The following SPOCK1 variants were observed in gnomAD, a reference collection of about 807,000 sequenced individuals.
The protein encoded by SPOCK1 is SPARC (osteonectin), cwcv and kazal like domains proteoglycan 1.
In SPOCK1, 23 loss-of-function variants were observed where a neutral mutation model predicts 55.3. The observed-to-expected ratio is 0.42, with a 90% CI of 0.30 to 0.59. The LOEUF (loss-of-function observed/expected upper bound fraction) is 0.59. Ranked by LOEUF, SPOCK1 falls within the 20% of genes least tolerant of loss-of-function variation. The pLI, the probability that SPOCK1 is intolerant of heterozygous loss-of-function variation, is 0.22. For missense variants in SPOCK1, 499 were observed against 552.5 expected (o/e 0.90, Z 0.97); for synonymous variants, 226 against 221.0 (o/e 1.02, Z -0.20).
At chr5:137,314,095 C>T (rs531158396) in intron 2 of SPOCK1, among the ~76,000 whole-genome samples, 8 of 151,788 alleles carry the variant, frequency 5.3e-5, no homozygotes, top group African/African-American at 1.4e-4. Context: ...CTTAGGCTTT[C>T]CTGCCCAGGG....
intron 6 of SPOCK1, among the ~76,000 whole-genome samples, chr5:137,039,886 G>T (rs1751962412): frequency 6.6e-6 from 1 of 152,186 alleles, no homozygotes; most frequent in African/African-American, 2.4e-5. Context: ...TCCCTCCATG[G>T]TAGCTTTCCT....
chr5:137,303,950 T>C (rs1757651799), intron 2 of SPOCK1, among the ~76,000 whole-genome samples: 1 of 152,156 alleles, frequency 6.6e-6, no homozygotes, highest in Non-Finnish European at 1.5e-5. Context: ...CCATCCCCCT[T>C]AGGAGTCTCT....
intron 2 of SPOCK1, among the ~76,000 whole-genome samples, chr5:137,347,097 G>C (rs1750574874): frequency 6.6e-6 from 1 of 152,092 alleles, no homozygotes; most frequent in South Asian, 2.1e-4. Context: ...TGTATCCTGG[G>C]TAGCCCTCCA....
chr5:137,451,061 T>A (rs533020906), intron 2 of SPOCK1, among the ~76,000 whole-genome samples: 1 of 152,292 alleles, frequency 6.6e-6, no homozygotes, highest in African/African-American at 2.4e-5. Flanking sequence ...CTGAAGCCAC[T>A]GATAATCCCC....
intron 2 of SPOCK1, among the ~76,000 whole-genome samples, chr5:137,427,958 T>G (rs1209090470): frequency 6.6e-6 from 1 of 151,468 alleles, no homozygotes; most frequent in Non-Finnish European, 1.5e-5. Flanking sequence ...AGCAAGTCAT[T>G]GTTACCCTGG....
intron 2 of SPOCK1, among the ~76,000 whole-genome samples, chr5:137,436,390 A>G (rs1217100362): frequency 6.6e-6 from 1 of 152,152 alleles, no homozygotes; most frequent in Non-Finnish European, 1.5e-5. Context: ...TAAATAATTC[A>G]TCCTTTCCCT....
chr5:137,154,865 C>A (rs544794843), intron 3 of SPOCK1, among the ~76,000 whole-genome samples: 27 of 152,282 alleles, frequency 1.8e-4, no homozygotes, highest in Admixed American at 1.6e-3. Flanking sequence ...ATCACCAACA[C>A]GTGTGATAGA....
intron 2 of SPOCK1, among the ~76,000 whole-genome samples, chr5:137,475,050 C>T (rs1361840621): frequency 3.3e-5 from 5 of 152,022 alleles, no homozygotes; most frequent in Non-Finnish European, 2.9e-5. Flanking sequence ...CTGAGCTAGC[C>T]GGCAGACACC....
At chr5:137,156,074 T>C (rs752936837) in intron 3 of SPOCK1, among the ~76,000 whole-genome samples, 1 of 152,100 alleles carries the variant, frequency 6.6e-6, no homozygotes, top group African/African-American at 2.4e-5. Flanking sequence ...CAAAACCACA[T>C]AGCATCACCA....
At chr5:137,390,870 G>T (rs897911046) in intron 2 of SPOCK1, among the ~76,000 whole-genome samples, 1 of 152,130 alleles carries the variant, frequency 6.6e-6, no homozygotes, top group East Asian at 1.9e-4. Context: ...CAGAGCTGGC[G>T]GGAGTGTGTA....
chr5:137,029,704 G>A (rs530113271), intron 6 of SPOCK1, among the ~76,000 whole-genome samples: 1 of 152,320 alleles, frequency 6.6e-6, no homozygotes, highest in Admixed American at 6.5e-5. Context: ...TACAGAAAGG[G>A]TACTAGAGGG....
At chr5:137,493,782 G>A (rs1004658966) in intron 2 of SPOCK1, among the ~76,000 whole-genome samples, 2 of 152,150 alleles carry the variant, frequency 1.3e-5, no homozygotes, top group Non-Finnish European at 2.9e-5. Context: ...ATTAATGACT[G>A]ATCCACTAAG....
chr5:137,393,142 G>T (rs1751762915), intron 2 of SPOCK1, among the ~76,000 whole-genome samples: 1 of 152,176 alleles, frequency 6.6e-6, no homozygotes, highest in Non-Finnish European at 1.5e-5. Context: ...GGGCAATGAG[G>T]ATGTATATTA....
At chr5:137,164,697 A>G (rs1754615874) in intron 3 of SPOCK1, among the ~76,000 whole-genome samples, 1 of 152,126 alleles carries the variant, frequency 6.6e-6, no homozygotes, top group African/African-American at 2.4e-5. Flanking sequence ...GCCCTGAAGG[A>G]TGAGTCCCAG....
intron 6 of SPOCK1, among the ~76,000 whole-genome samples, chr5:137,011,095 G>C (rs1207414322): frequency 6.6e-6 from 1 of 152,178 alleles, no homozygotes; most frequent in Non-Finnish European, 1.5e-5. Context: ...TAAGCATCCA[G>C]CCAATAGCGC....
At chr5:137,320,793 A>C (rs1376112399) in intron 2 of SPOCK1, among the ~76,000 whole-genome samples, 3 of 152,208 alleles carry the variant, frequency 2.0e-5, no homozygotes, top group African/African-American at 7.2e-5. Flanking sequence ...GAAAAACCAT[A>C]AGGACTGGGG....
chr5:137,280,131 G>A (rs745624703), intron 2 of SPOCK1, among the ~76,000 whole-genome samples: 9 of 152,032 alleles, frequency 5.9e-5, no homozygotes, highest in African/African-American at 1.2e-4. Flanking sequence ...CTAGAGAAGC[G>A]GAAGAGGAAC....
At chr5:137,163,314 G>C (rs776698541) in intron 3 of SPOCK1, among the ~76,000 whole-genome samples, 1 of 152,186 alleles carries the variant, frequency 6.6e-6, no homozygotes, top group Non-Finnish European at 1.5e-5. Flanking sequence ...GAGAGGTGGC[G>C]TGGCTGCCAG....
At chr5:137,177,327 C>A (rs58048558) in intron 3 of SPOCK1, among the ~76,000 whole-genome samples, 19,219 of 152,150 alleles carry the variant, frequency 0.13, 1,394 homozygotes, top group East Asian at 0.22. Flanking sequence ...CTGCTGGGGG[C>A]CATCCCCAGG....
Sources: allele counts gnomAD v4.1 joint callset (sites outside exome capture counted in the v4.1 genomes callset), GRCh38; gene constraint gnomAD v4.1.1; transcripts MANE v1.5; gene names NCBI Gene and HGNC (gene_info 2026-07-23, HGNC 2026-07-21).